Variants in FCHSD2 observed in about 807,000 individuals in gnomAD.
FCHSD2 encodes the protein F-BAR and double SH3 domains protein 2.
In FCHSD2, 38 loss-of-function variants were observed where a neutral mutation model predicts 108.1. That is an observed-to-expected ratio of 0.35 (90% confidence interval 0.27 to 0.46). The LOEUF is 0.46. Ranked by LOEUF, FCHSD2 falls within the 20% of genes least tolerant of loss-of-function variation. The pLI is 1.00. For synonymous variants in FCHSD2, 279 were observed against 314.7 expected, an observed-to-expected ratio of 0.89 and a Z score of 1.20; for missense variants, 751 against 897.8, an observed-to-expected ratio of 0.84 and a Z score of 2.09.
chr11:73,139,733 T>C (rs1268235448), intron 2 of FCHSD2, among the ~76,000 whole-genome samples: 2 of 152,260 alleles, frequency 1.3e-5, no homozygotes, highest in African/African-American at 4.8e-5. Context: ...AAATGATTGT[T>C]ACAATTCCGT....
At chr11:73,075,833 C>CG (rs1859538166) in intron 3 of FCHSD2, among the ~76,000 whole-genome samples, 1 of 151,398 alleles carries the variant, frequency 6.6e-6, no homozygotes, top group African/African-American at 2.4e-5. Context: ...TCATTAAACA[C>CG]GGGGGCCAGG....
chr11:72,859,297 C>G (rs1861510472), intron 13 of FCHSD2, among the ~76,000 whole-genome samples: 1 of 152,134 alleles, frequency 6.6e-6, no homozygotes, highest in Admixed American at 6.5e-5. Context: ...ATGTGAATCA[C>G]CCCTTTGTCG....
At chr11:72,956,224 A>G (rs1856708507) in intron 8 of FCHSD2, among the ~76,000 whole-genome samples, 1 of 152,232 alleles carries the variant, frequency 6.6e-6, no homozygotes, top group Admixed American at 6.5e-5. Context: ...ATAAACAAGC[A>G]CATAAATGGC....
At chr11:73,092,544 T>C (rs966692171) in intron 2 of FCHSD2, among the ~76,000 whole-genome samples, 3 of 152,214 alleles carry the variant, frequency 2.0e-5, no homozygotes, top group Non-Finnish European at 4.4e-5. Context: ...TTAGTATTTA[T>C]ATGTTTGGCA....
At chr11:72,862,805 C>A (rs1203978897) in intron 13 of FCHSD2, among the ~76,000 whole-genome samples, 1 of 152,200 alleles carries the variant, frequency 6.6e-6, no homozygotes, top group African/African-American at 2.4e-5. Context: ...AGGACTTACA[C>A]TACCTGAAGT....
intron 13 of FCHSD2, among the ~76,000 whole-genome samples, chr11:72,865,787 T>C (rs1854706960): frequency 6.6e-6 from 1 of 152,158 alleles, no homozygotes. Context: ...TAATCTTTCT[T>C]TCAGAAACCC....
At chr11:72,860,260 A>C (rs1322072388) in intron 13 of FCHSD2, among the ~76,000 whole-genome samples, 2 of 152,192 alleles carry the variant, frequency 1.3e-5, no homozygotes, top group African/African-American at 4.8e-5. Flanking sequence ...AGAAGACTAG[A>C]ACAATACTAT....
chr11:72,951,248 T>C (rs767237788), intron 8 of FCHSD2, among the ~76,000 whole-genome samples: 8 of 152,228 alleles, frequency 5.3e-5, no homozygotes, highest in Non-Finnish European at 1.0e-4. Context: ...TAGTATCTGG[T>C]GTAGGATATT....
intron 2 of FCHSD2, among the ~76,000 whole-genome samples, chr11:73,086,792 G>A (rs1859827159): frequency 6.6e-6 from 1 of 152,104 alleles, no homozygotes; most frequent in Non-Finnish European, 1.5e-5. Context: ...TAAATTAAAT[G>A]AAAACAGGAA....
intron 19 of FCHSD2, 91 bp from the exon 20 acceptor site, chr11:72,838,965 A>G: frequency 8.8e-7 from 1 of 1,137,320 alleles, no homozygotes; most frequent in Non-Finnish European, 1.3e-6. Context: ...CTGTCCAAGG[A>G]CATGGGCACC....
At chr11:72,872,584 A>AT (rs1351778362) in intron 12 of FCHSD2, among the ~76,000 whole-genome samples, 1 of 152,142 alleles carries the variant, frequency 6.6e-6, no homozygotes, top group Non-Finnish European at 1.5e-5. Flanking sequence ...ACTTTGCATA[A>AT]TATTTTCAAG....
chr11:72,907,598 G>GTTTTTTTTTTTTTTTTTTTTTTTT lies in FCHSD2; in HGVS notation c.829-4961_829-4960insAAAAAAAAAAAAAAAAAAAAAAAA, dbSNP rs200788964. Reference sequence around the variant, plus strand: ...CTGCATCTATTGAGATAATCACGTGGGTTTTTTTTTTTTTTTTTTTTCTTG... The same window carrying GTTTTTTTTTTTTTTTTTTTTTTTT: ...CTGCATCTATTGAGATAATCACGTGGTTTTTTTTTTTTTTTTTTTTTTTTGTTTTTTTTTTTTTTTTTTTTCTTG... On this transcript the variant is annotated intron_variant, in intron 9 of 19. Transcript: ENST00000409418. 8.3e-5 allele frequency among the ~76,000 whole-genome samples: 6 copies of GTTTTTTTTTTTTTTTTTTTTTTTT among 72,714 alleles called. 1 individual carries two copies. The highest frequency in any genetic ancestry group is 1.2e-4 in the Non-Finnish European group (5 of 41,012). The allele number at this position is 72,714 out of a possible 152,430, so 47.7% of individuals were successfully genotyped here. A position where few individuals can be genotyped will look rare whatever the true frequency, so the allele number is the denominator to read the frequency against.
chr11:72,900,290 G>GGA, intron 10 of FCHSD2: 1 of 1,550,094 alleles, frequency 6.5e-7, no homozygotes, highest in South Asian at 1.2e-5. Flanking sequence ...CACTGACAGG[G>GGA]GAGAGCTCAA....
chr11:72,980,940 T>C (rs1565352430), intron 8 of FCHSD2, among the ~76,000 whole-genome samples: 2 of 152,256 alleles, frequency 1.3e-5, no homozygotes, highest in South Asian at 4.1e-4. Context: ...GCTACCCATA[T>C]AGGGCATTAT....
chr11:73,082,783 A>G (rs1859726432), intron 3 of FCHSD2, among the ~76,000 whole-genome samples: 1 of 152,140 alleles, frequency 6.6e-6, no homozygotes, highest in Non-Finnish European at 1.5e-5. Flanking sequence ...ATTTTAGAAT[A>G]CTCCCCCACA....
chr11:72,979,937 A>T (rs1857180836), intron 8 of FCHSD2, among the ~76,000 whole-genome samples: 1 of 152,216 alleles, frequency 6.6e-6, no homozygotes, highest in Non-Finnish European at 1.5e-5. Context: ...CTGCTAATGT[A>T]AGAACAGAAT....
intron 3 of FCHSD2, among the ~76,000 whole-genome samples, chr11:73,049,472 T>C (rs777633603): frequency 4.2e-5 from 6 of 142,682 alleles, no homozygotes; most frequent in Admixed American, 7.6e-5. Flanking sequence ...GAATGGGATG[T>C]AGACTACTAG....
At chr11:73,074,091 A>G (rs974303972) in intron 3 of FCHSD2, among the ~76,000 whole-genome samples, 1 of 152,100 alleles carries the variant, frequency 6.6e-6, no homozygotes, top group Non-Finnish European at 1.5e-5. Flanking sequence ...GATATCGGGA[A>G]AAAAATATTT....
intron 2 of FCHSD2, among the ~76,000 whole-genome samples, chr11:73,110,633 T>C (rs1860460598): frequency 6.6e-6 from 1 of 152,156 alleles, no homozygotes; most frequent in South Asian, 2.1e-4. Flanking sequence ...TTTCATTTTG[T>C]TGGTCTTTTG....
Sources: gnomAD v4.1 joint callset for allele counts (sites outside exome capture counted in the v4.1 genomes callset) on GRCh38, gnomAD v4.1.1 for gene constraint, MANE v1.5 for transcripts, NCBI Gene and HGNC (gene_info 2026-07-23, HGNC 2026-07-21) for gene names.